GNAT2: variants seen among roughly 807,000 people sequenced by gnomAD.
GNAT2 encodes G protein subunit alpha transducin 2, also known as guanine nucleotide-binding protein G(t) subunit alpha-2.
A neutral mutation model predicts 40.9 loss-of-function variants in GNAT2; 32 were observed. The observed-to-expected ratio is 0.78, with a 90% CI of 0.59 to 1.05. The LOEUF is 1.05. Ranked by LOEUF, GNAT2 falls within the 50% of genes least tolerant of loss-of-function variation. The pLI is 0.00. For synonymous variants in GNAT2, 141 were observed against 157.2 expected (o/e 0.90, Z 0.77); for missense variants, 355 against 431.5 (o/e 0.82, Z 1.57).
At chr1:109,615,588 C>T (rs1192990429) in intron 1 of GNAT2, 5 of 130,388 alleles carry the variant, frequency 3.8e-5, no homozygotes, top group African/African-American at 1.1e-4. Context: ...GCCTGGGCAA[C>T]AGAGCAAGAT....
intron 5 of GNAT2, chr1:109,606,712 G>C (rs1649608443): frequency 5.0e-6 from 2 of 403,532 alleles, no homozygotes; most frequent in South Asian, 2.2e-5. Flanking sequence ...CTGACTGCAA[G>C]CTTTTGTAGA....
At chr1:109,619,077 C>G (rs1212009137) in intron 1 of GNAT2, among the ~76,000 whole-genome samples, 1 of 152,178 alleles carries the variant, frequency 6.6e-6, no homozygotes, top group Non-Finnish European at 1.5e-5. Context: ...TCCACAAGTT[C>G]CCTTTAGGTC....
rs1649699285 is a variant in GNAT2, at chr1:109,608,731, G to A, written c.361C>T (p.Pro121Ser). ...CTCCTAATGACCTCCACGAGCTCAGGAGGCATGGTTCCCTCCTCAATGGAG... is the reference window on the plus strand; with the variant it reads ...CTCCTAATGACCTCCACGAGCTCAGAAGGCATGGTTCCCTCCTCAATGGAG... ...ADSIEEGTMP[P>S]ELVEVIRRLW... The change falls in exon 5 of 9, where the codon CCT becomes TCT. Residue 121 changes from proline (P) to serine (S), a missense_variant. By Grantham distance (74) the Pro-to-Ser change is moderately conservative (BLOSUM62 -1). Transcript: ENST00000679935. The A allele has an allele frequency of 3.1e-6, 5 of 1,613,910 alleles. No individual in the cohort carries two copies. Among genetic ancestry groups the A allele is most frequent in the East Asian group, 4.5e-5 (2 of 44,874 alleles).
chr1:109,612,899 C>A lies in GNAT2; in HGVS notation c.-29G>T. The A allele has an allele frequency of 1.4e-6, 2 of 1,384,270 alleles. No individual in the cohort carries two copies. Among genetic ancestry groups the A allele is most frequent in the Non-Finnish European group, 2.1e-6 (2 of 971,346 alleles). The allele number at this position is 1,384,270 out of a possible 1,614,324, so 85.7% of individuals were successfully genotyped here. A position where few individuals can be genotyped will look rare whatever the true frequency, so the allele number is the denominator to read the frequency against. On this transcript the variant is annotated 5_prime_UTR_variant, in exon 2 of 9. Transcript: ENST00000679935. Reference sequence around the variant, plus strand: ...TGCCGTCTTGTCAGCTTTTTCAGGCCCCTAATCCTCTCTCGTAAGGTTTCC... The same window carrying A: ...TGCCGTCTTGTCAGCTTTTTCAGGCACCTAATCCTCTCTCGTAAGGTTTCC...
chr1:109,613,029 G>A (rs1446352414), intron 1 of GNAT2, 106 bp from the exon 2 acceptor site: 3 of 732,716 alleles, frequency 4.1e-6, no homozygotes, highest in East Asian at 2.6e-5. Context: ...CAGGCTGTAG[G>A]GTCTTGTACT....
At chr1:109,617,531 C>T (rs1252667844) in intron 1 of GNAT2, 2 of 152,238 alleles carry the variant, frequency 1.3e-5, no homozygotes, top group Admixed American at 6.5e-5. Context: ...AATGAAACCT[C>T]ACTGAGATTC....
Position 109,610,104 on chromosome 1 carries a change from G to A in GNAT2, c.239C>T (p.Ser80Phe). Residue 80 changes from serine to phenylalanine, a missense_variant, in exon 4 of 9, where the codon TCC becomes TTC. Ser to Phe is a radical substitution (Grantham distance 155). Transcript: ENST00000679935. ...CATGGCCCGGATGATAGCCAGGATG[G>A]ACTGCAGCACATTTCCATAGATGAT... ...KAIIYGNVLQ[S>F]ILAIIRAMTT... The A allele has an allele frequency of 6.2e-7, 1 of 1,613,722 alleles. No homozygotes were observed. Among genetic ancestry groups the A allele is most frequent in the Non-Finnish European group, 8.5e-7 (1 of 1,179,648 alleles).
At position 109,608,939 on chromosome 1, in the gene GNAT2, A is replaced by C. The variant is rs186156336; in HGVS notation, c.304-151T>G. 4.1e-6 allele frequency: 3 copies of C among 732,590 alleles called. No homozygotes were observed. The Admixed American group carries it at 6.1e-5, about 15-fold the overall frequency. 45.4% of individuals were successfully genotyped at this position (732,590 alleles called of 1,614,324 possible). A position where few individuals can be genotyped will look rare whatever the true frequency, so the allele number is the denominator to read the frequency against. ...GTGAAGATTCTATGTAAGAAAACATACTGTTGAATTTTTGAGTATGCTCCC... is the reference window on the plus strand; with the variant it reads ...GTGAAGATTCTATGTAAGAAAACATCCTGTTGAATTTTTGAGTATGCTCCC... On this transcript the variant is annotated intron_variant, in intron 4 of 8. Transcript: ENST00000679935.
At position 109,603,117 on chromosome 1, in the gene GNAT2, T is replaced by C; in HGVS notation, c.*237A>G. The C allele has an allele frequency of 1.2e-5, 7 of 562,906 alleles. No individual in the cohort carries two copies. 34.9% of individuals were successfully genotyped at this position (562,906 alleles called of 1,614,324 possible). A position where few individuals can be genotyped will look rare whatever the true frequency, so the allele number is the denominator to read the frequency against. ...AAAGTATTCACAGTTTTGTATTAAG[T>C]TGGAAAACCAGTACTGGAACCTGGG... On this transcript the variant is annotated 3_prime_UTR_variant, in exon 9 of 9. Transcript: ENST00000679935.
At chr1:109,614,440 A>C (rs1285318990) in intron 1 of GNAT2, 2 of 152,230 alleles carry the variant, frequency 1.3e-5, no homozygotes, top group Non-Finnish European at 2.9e-5. Context: ...AAAATATTTT[A>C]AGCTAATACA....
chr1:109,611,714 G>GA (rs1231036603), intron 2 of GNAT2: 1 of 152,052 alleles, frequency 6.6e-6, no homozygotes, highest in Non-Finnish European at 1.5e-5. Flanking sequence ...CCTGAATGTA[G>GA]AAGAAATCTG....
chr1:109,608,467 C>T, intron 5 of GNAT2, 164 bp downstream of exon 5: 1 of 715,002 alleles, frequency 1.4e-6, no homozygotes, highest in Non-Finnish European at 2.5e-6. Context: ...AAATTCAAAA[C>T]ATTGCTGAAG....
intron 1 of GNAT2, chr1:109,614,705 G>A (rs948483508): frequency 6.6e-6 from 1 of 152,224 alleles, no homozygotes; most frequent in Non-Finnish European, 1.5e-5. Flanking sequence ...GTGGCCAGTT[G>A]GGACTGGGAA....
chr1:109,610,588 C>CAAGCAGTGGCT, intron 2 of GNAT2, 81 bp from the exon 3 acceptor site: 1 of 1,161,374 alleles, frequency 8.6e-7, no homozygotes, highest in Non-Finnish European at 1.3e-6. Context: ...GAAGTCAGAG[C>CAAGCAGTGGCT]CACTGCTTGC....
At chr1:109,609,111 G>C in intron 4 of GNAT2, 1 of 395,496 alleles carries the variant, frequency 2.5e-6, no homozygotes, top group Non-Finnish European at 4.8e-6. Flanking sequence ...GCTGCAGAGA[G>C]ACTGAAAATG....
chr1:109,610,496 A>T lies in GNAT2; in HGVS notation c.130T>A (p.Ser44Thr). The T allele has an allele frequency of 6.2e-7, 1 of 1,612,924 alleles. No individual in the cohort carries two copies. The highest frequency in any genetic ancestry group is 8.5e-7 in the Non-Finnish European group (1 of 1,179,578). ...VKLLLLGAGE[S>T]GKSTIVKQMK... Reference sequence around the variant, plus strand: ...TGTTTGACGATGGTGCTCTTTCCTGACTCCCCAGCACCTGGAAGGAAAAAT... The same window carrying T: ...TGTTTGACGATGGTGCTCTTTCCTGTCTCCCCAGCACCTGGAAGGAAAAAT... Residue 44 changes from serine (S) to threonine (T), a missense_variant, in exon 3 of 9, where the codon TCA becomes ACA. Coordinates refer to ENST00000679935, the MANE Select transcript of GNAT2 (RefSeq NM_001377295.2).
At chr1:109,608,405 G>A in intron 5 of GNAT2, 1 of 605,922 alleles carries the variant, frequency 1.7e-6, no homozygotes, top group Non-Finnish European at 3.0e-6. Flanking sequence ...TAGTGAGCCA[G>A]TGTAAAGCAA....
At chr1:109,609,002 G>A in intron 4 of GNAT2, 2 of 611,256 alleles carry the variant, frequency 3.3e-6, no homozygotes, top group Admixed American at 2.4e-5. Flanking sequence ...GCCCTGGGGT[G>A]TGTCTAAAGC....
rs137907510 is a variant in GNAT2 at position 109,610,767 on chromosome 1, C to T, written c.119-260G>A. 848 of 563,744 alleles carry T rather than the reference C, an allele frequency of 1.5e-3. 2 individuals carry two copies. The highest frequency in any genetic ancestry group is 0.014 in the African/African-American group (737 of 53,182). The allele number at this position is 563,744 out of a possible 1,614,324, so 34.9% of individuals were successfully genotyped here. A position where few individuals can be genotyped will look rare whatever the true frequency, so the allele number is the denominator to read the frequency against. ...GGATGTTCAGCAGCATTCCTGGCCT[C>T]TACCCACTAGAGGCCAATAGCATCC... On this transcript the variant is annotated intron_variant, in intron 2 of 8. Transcript: ENST00000679935.
Sources: gnomAD v4.1 joint callset for allele counts (sites outside exome capture counted in the v4.1 genomes callset) on GRCh38, gnomAD v4.1.1 for gene constraint, MANE v1.5 for transcripts, NCBI Gene and HGNC (gene_info 2026-07-23, HGNC 2026-07-21) for gene names.